PYGO1: variants seen among roughly 807,000 people sequenced by gnomAD.
PYGO1 encodes the protein pygopus homolog 1.
PYGO1 carries 6 observed loss-of-function variants against 29.5 expected under a neutral mutation model. That is an observed-to-expected ratio of 0.20 (90% CI 0.11 to 0.40). The LOEUF (loss-of-function observed/expected upper bound fraction) is 0.40. PYGO1 is among the 10% of genes least tolerant of loss of function. PYGO1 has a pLI of 1.00. For synonymous variants in PYGO1, 186 were observed against 180.5 expected (o/e 1.03, Z -0.24); for missense variants, 515 against 514.9 (o/e 1.00, Z 0.00).
chr15:55,575,116 G>C (rs530670988), intron 1 of PYGO1, among the ~76,000 whole-genome samples: 2 of 152,314 alleles, frequency 1.3e-5, no homozygotes, highest in African/African-American at 2.4e-5. Flanking sequence ...ACAGAGTTGT[G>C]TCTTTCTGAC....
rs763755494 is a variant in PYGO1, at chr15:55,541,913, G to A, written c.*4110C>T. On this transcript the variant is annotated 3_prime_UTR_variant, in exon 3 of 3. Coordinates refer to ENST00000563719, the MANE Select transcript of PYGO1 (RefSeq NM_001367806.1). ...GCATGATACTATTAACTAGATTATGGTCTAAATGAGCCTTTAGGAGCTTCC... is the reference window on the plus strand; with the variant it reads ...GCATGATACTATTAACTAGATTATGATCTAAATGAGCCTTTAGGAGCTTCC... 8 of 152,046 alleles carry A rather than the reference G, an allele frequency of 5.3e-5. No homozygotes were observed. The highest frequency in any genetic ancestry group is 1.4e-4 in the African/African-American group (6 of 41,404). 9.4% of individuals were successfully genotyped at this position (152,046 alleles called of 1,614,324 possible). A position where few individuals can be genotyped will look rare whatever the true frequency, so the allele number is the denominator to read the frequency against.
At chr15:55,555,490 A>G (rs1373638780) in intron 1 of PYGO1, among the ~76,000 whole-genome samples, 2 of 132,656 alleles carry the variant, frequency 1.5e-5, no homozygotes, top group African/African-American at 5.8e-5. Flanking sequence ...TCAAATTCAC[A>G]TATAACAATA....
chr15:55,556,517 T>C (rs1259039180), intron 1 of PYGO1, among the ~76,000 whole-genome samples: 1 of 152,154 alleles, frequency 6.6e-6, no homozygotes, highest in Non-Finnish European at 1.5e-5. Flanking sequence ...GGGACATTTA[T>C]AGCACTAAAT....
At chr15:55,555,207 A>C (rs2058898739) in intron 1 of PYGO1, among the ~76,000 whole-genome samples, 1 of 152,142 alleles carries the variant, frequency 6.6e-6, no homozygotes, top group African/African-American at 2.4e-5. Context: ...ACCAATGTTC[A>C]ACATTCTTAA....
intron 1 of PYGO1, among the ~76,000 whole-genome samples, chr15:55,554,394 G>A (rs1368096101): frequency 2.6e-5 from 4 of 150,960 alleles, no homozygotes; most frequent in Non-Finnish European, 5.9e-5. Flanking sequence ...GCGTGAACAT[G>A]GGAGGTGGAG....
chr15:55,549,521 C>T (rs1232568873), intron 1 of PYGO1, among the ~76,000 whole-genome samples: 1 of 152,146 alleles, frequency 6.6e-6, no homozygotes, highest in Non-Finnish European at 1.5e-5. Flanking sequence ...TAGTCCCCTC[C>T]ATATTGATCA....
In PYGO1 at chr15:55,539,835, T is replaced by C. The variant is rs756661911; in HGVS notation, c.*6188A>G. On this transcript the variant is annotated 3_prime_UTR_variant, in exon 3 of 3. Coordinates refer to ENST00000563719, the MANE Select transcript of PYGO1 (RefSeq NM_001367806.1). ...ATGCAGTATAGAGATATCATTAACATAACATAGGTAGACATTTTGTAATAT... is the reference window on the plus strand; with the variant it reads ...ATGCAGTATAGAGATATCATTAACACAACATAGGTAGACATTTTGTAATAT... The C allele has an allele frequency of 2.6e-5, 4 of 152,050 alleles. No individual in the cohort carries two copies. The highest frequency in any genetic ancestry group is 5.9e-5 in the Non-Finnish European group (4 of 67,926). 9.4% of individuals were successfully genotyped at this position (152,050 alleles called of 1,614,324 possible). A position where few individuals can be genotyped will look rare whatever the true frequency, so the allele number is the denominator to read the frequency against.
upstream of PYGO1, chr15:55,588,830 G>C: frequency 6.2e-7 from 1 of 1,614,060 alleles, no homozygotes; most frequent in South Asian, 1.1e-5. Flanking sequence ...GTAAGCGGGA[G>C]CTGGAGAGTT....
At chr15:55,579,354 C>T (rs752655212) in intron 1 of PYGO1, among the ~76,000 whole-genome samples, 5 of 152,040 alleles carry the variant, frequency 3.3e-5, no homozygotes, top group East Asian at 1.9e-4. Context: ...TATAAACAAA[C>T]GAAGGCGCCA....
At chr15:55,560,862 T>C (rs2058929883) in intron 1 of PYGO1, among the ~76,000 whole-genome samples, 1 of 152,082 alleles carries the variant, frequency 6.6e-6, no homozygotes, top group Admixed American at 6.6e-5. Context: ...CTCGGGAGGC[T>C]GAGGCAGCAG....
chr15:55,568,638 G>A (rs910770880), intron 1 of PYGO1, among the ~76,000 whole-genome samples: 54 of 152,022 alleles, frequency 3.6e-4, no homozygotes, highest in Non-Finnish European at 1.2e-4. Context: ...CTGAATAGGA[G>A]TCATGAGAGT....
At chr15:55,568,597 G>C (rs1231174045) in intron 1 of PYGO1, among the ~76,000 whole-genome samples, 2 of 151,958 alleles carry the variant, frequency 1.3e-5, no homozygotes, top group Non-Finnish European at 2.9e-5. Context: ...TCTTTCTCTT[G>C]CCTGAGTGCT....
intron 1 of PYGO1, among the ~76,000 whole-genome samples, chr15:55,558,243 C>T (rs568910818): frequency 2.7e-4 from 41 of 152,088 alleles, no homozygotes; most frequent in African/African-American, 9.2e-4. Context: ...TGAACTCTCA[C>T]TCAAAATTGC....
intron 1 of PYGO1, among the ~76,000 whole-genome samples, chr15:55,578,209 T>C (rs556347168): frequency 1.1e-4 from 17 of 152,324 alleles, no homozygotes; most frequent in African/African-American, 4.1e-4. Flanking sequence ...CATTCCAATA[T>C]ATAAATATAC....
intron 1 of PYGO1, among the ~76,000 whole-genome samples, chr15:55,559,570 G>C (rs1346655688): frequency 1.3e-5 from 2 of 152,116 alleles, no homozygotes; most frequent in Non-Finnish European, 2.9e-5. Flanking sequence ...GCAAAGACTT[G>C]GAACCAACCC....
At position 55,587,951 on chromosome 15, in the gene PYGO1, G is replaced by A; in HGVS notation, c.-68C>T. 4 of 1,441,678 alleles carry A rather than the reference G, an allele frequency of 2.8e-6. No individual in the cohort carries two copies. Among genetic ancestry groups the A allele is most frequent in the Non-Finnish European group, 1.8e-6 (2 of 1,092,962 alleles). The allele number at this position is 1,441,678 out of a possible 1,614,324, so 89.3% of individuals were successfully genotyped here. Reference sequence around the variant, plus strand: ...CGGTCTCTTTGATGCTGCGGCGGCGGCTCCTCCTCCTCGCGGGGCCGCTGC... The same window carrying A: ...CGGTCTCTTTGATGCTGCGGCGGCGACTCCTCCTCCTCGCGGGGCCGCTGC... On this transcript the variant is annotated 5_prime_UTR_variant, in exon 1 of 3. Coordinates refer to ENST00000563719, the MANE Select transcript of PYGO1 (RefSeq NM_001367806.1).
chr15:55,548,707 TAAAAAAAAAAAAAAAAAAA>T (rs60796044), intron 2 of PYGO1, among the ~76,000 whole-genome samples, 184 bp downstream of exon 2: 1,483 of 55,344 alleles, frequency 0.027, 12 homozygotes, highest in African/African-American at 0.098. Flanking sequence ...AGAATCCACC[TAAAAAAAAAAAAAAAAAAA>T]AAAAAAAAAA....
In PYGO1 at chr15:55,542,710, C is replaced by G. The variant is rs1051753078; in HGVS notation, c.*3313G>C. On this transcript the variant is annotated 3_prime_UTR_variant, in exon 3 of 3. Transcript: ENST00000563719. ...CTTTGGGAGGCTGAGGCGGGCAGAT[C>G]ACTTGAGGTCAGGAGTTTGACACCA... 1 of 152,166 alleles carries G rather than the reference C, an allele frequency of 6.6e-6. No homozygotes were observed. The highest frequency in any genetic ancestry group is 2.4e-5 in the African/African-American group (1 of 41,410). 9.4% of individuals were successfully genotyped at this position (152,166 alleles called of 1,614,324 possible).
At chr15:55,583,775 T>G (rs1041132409) in intron 1 of PYGO1, among the ~76,000 whole-genome samples, 4 of 152,166 alleles carry the variant, frequency 2.6e-5, no homozygotes, top group Admixed American at 6.6e-5. Flanking sequence ...CCCAAAGTGC[T>G]GGGATTACAG....
Sources: gnomAD v4.1 joint callset for allele counts (sites outside exome capture counted in the v4.1 genomes callset) on GRCh38, gnomAD v4.1.1 for gene constraint, MANE v1.5 for transcripts, NCBI Gene and HGNC (gene_info 2026-07-23, HGNC 2026-07-21) for gene names.